SLC26A1: variants seen among roughly 807,000 people sequenced by gnomAD.
SLC26A1 encodes the protein solute carrier family 26 member 1.
In SLC26A1, 18 loss-of-function variants were observed where a neutral mutation model predicts 14.5. That is an observed-to-expected ratio of 1.24 (90% CI 0.86 to 1.84). SLC26A1 has a LOEUF of 1.84. Among genes scored for constraint, SLC26A1 ranks in the 40% most tolerant of loss-of-function variants. The probability of loss-of-function intolerance (pLI) is 0.00; values close to 1 mark genes in which losing one functional copy is unlikely to be tolerated. For synonymous variants in SLC26A1, 505 were observed against 492.0 expected, an observed-to-expected ratio of 1.03 and a Z score of -0.35; for missense variants, 1,049 against 1,020.0, an observed-to-expected ratio of 1.03 and a Z score of -0.39.
downstream of SLC26A1, chr4:987,577 G>GCAGGGC (rs943897582): frequency 4.7e-5 from 65 of 1,373,982 alleles, no homozygotes; most frequent in Middle Eastern, 1.1e-3. Context: ...CGCCTTCCTG[G>GCAGGGC]CAGGGCCAGG....
Position 991,119 on chromosome 4 carries a change from G to T in SLC26A1, c.576+9C>A, listed in dbSNP as rs1266916925. 4 of 1,529,276 alleles carry T rather than the reference G, an allele frequency of 2.6e-6. No homozygotes were observed. In the Admixed American group the frequency reaches 6.0e-5, roughly 23 times the overall value. 94.7% of individuals were successfully genotyped at this position (1,529,276 alleles called of 1,614,324 possible). On this transcript the variant is annotated intron_variant, in intron 2 of 2. Coordinates refer to ENST00000398516, the MANE Select transcript of SLC26A1 (RefSeq NM_022042.4). ...GGGCCCCTCCCTGTGCCCAAGCAGG[G>T]CTCCTCACCTGGTAAAGCCCGGTCA...
Position 989,665 on chromosome 4 carries a change from A to T in SLC26A1, c.1274T>A (p.Leu425Gln), listed in dbSNP as rs748362855. Residue 425 changes from leucine (L) to glutamine (Q), a missense_variant, in exon 3 of 3, where the codon CTG becomes CAG. Coordinates refer to ENST00000398516, the MANE Select transcript of SLC26A1 (RefSeq NM_022042.4). ...SSVVSATVVL[L>Q]VLLALAPLFH... is the part of the protein sequence containing the mutation. Reference sequence around the variant, plus strand: ...CAGCGGTGCCAGCGCCAGCAGCACCAGCAGCACCACGGTGGCGCTGACCAC... The same window carrying T: ...CAGCGGTGCCAGCGCCAGCAGCACCTGCAGCACCACGGTGGCGCTGACCAC... The T allele has an allele frequency of 1.3e-6, 2 of 1,579,672 alleles. No individual in the cohort carries two copies. The highest frequency in any genetic ancestry group is 2.3e-5 in the South Asian group (2 of 86,606).
Position 990,416 on chromosome 4 carries a change from C to G in SLC26A1, c.577-54G>C, listed in dbSNP as rs1443638862. ...GGCGCCTGGCGGGAGCCACCTGCCC[C>G]TCACCAGCACCTGGCATGGCCCGAG... On this transcript the variant is annotated intron_variant, in intron 2 of 2. Transcript: ENST00000398516. The G allele has an allele frequency of 6.7e-6, 10 of 1,493,184 alleles. No individual in the cohort carries two copies. The East Asian group carries it at 1.9e-4, about 28-fold the overall frequency. The allele number at this position is 1,493,184 out of a possible 1,614,324, so 92.5% of individuals were successfully genotyped here. A position where few individuals can be genotyped will look rare whatever the true frequency, so the allele number is the denominator to read the frequency against.
downstream of SLC26A1, among the ~76,000 whole-genome samples, chr4:984,093 G>A (rs1162660153): frequency 6.6e-6 from 1 of 152,210 alleles, no homozygotes; most frequent in African/African-American, 2.4e-5. Context: ...CCAAAGTGCT[G>A]GGATTACAGG....
At chr4:982,056 T>A (rs1411622340) in intron 2 of SLC26A1, among the ~76,000 whole-genome samples, 1 of 151,896 alleles carries the variant, frequency 6.6e-6, no homozygotes, top group African/African-American at 2.4e-5. Flanking sequence ...CCTGACCTCA[T>A]GATCCGCCCG....
chr4:990,262 G>A lies in SLC26A1; in HGVS notation c.677C>T (p.Ser226Leu), dbSNP rs763867064. 3.1e-6 allele frequency: 5 copies of A among 1,593,924 alleles called. No homozygotes were observed. Among genetic ancestry groups the A allele is most frequent in the African/African-American group, 1.3e-5 (1 of 74,834 alleles). Residue 226 changes from serine to leucine, a missense_variant, in exon 3 of 3, where the codon TCG (serine) becomes TTG (leucine). Coordinates refer to ENST00000398516, the MANE Select transcript of SLC26A1 (RefSeq NM_022042.4). ...CACGCCCAGCAGGTGTTTGAGCTGC[G>A]AGGTCAGGATGGTCACGGAGGCCCC... Reference protein sequence around the residue: ...AMGASVTILTSQLKHLLGVRI... With the variant: ...AMGASVTILTLQLKHLLGVRI...
Position 987,746 on chromosome 4 carries a change from G to A in SLC26A1, c.*1087C>T. On this transcript the variant is annotated 3_prime_UTR_variant, in exon 3 of 3. Coordinates refer to ENST00000398516, the MANE Select transcript of SLC26A1 (RefSeq NM_022042.4). ...CGGGCAGTCCTGGGCTTGAACGTGT[G>A]TGTCAGCCGCGCTGCCAGCCATGCT... The A allele has an allele frequency of 6.2e-7, 1 of 1,605,878 alleles. No homozygotes were observed. The highest frequency in any genetic ancestry group is 1.3e-5 in the African/African-American group (1 of 74,948).
intron 2 of SLC26A1, chr4:990,739 G>T: frequency 2.5e-6 from 1 of 396,398 alleles, no homozygotes; most frequent in Non-Finnish European, 4.6e-6. Flanking sequence ...GGAGCCAACG[G>T]GGGCCAAGGT....
At chr4:992,003 G>A in intron 1 of SLC26A1, 6 of 662,342 alleles carry the variant, frequency 9.1e-6, no homozygotes, top group South Asian at 7.7e-5. Context: ...CAGTGCTGAG[G>A]GGCGGCGTGG....
At position 987,804 on chromosome 4, in the gene SLC26A1, C is replaced by G; in HGVS notation, c.*1029G>C. 1 of 1,612,190 alleles carries G rather than the reference C, an allele frequency of 6.2e-7. No homozygotes were observed. Among genetic ancestry groups the G allele is most frequent in the East Asian group, 2.2e-5 (1 of 44,850 alleles). On this transcript the variant is annotated 3_prime_UTR_variant, in exon 3 of 3. Transcript: ENST00000398516. ...GGGACTGAGCCGCCCCTTTGTTGTC[C>G]CCAGCCCCCCGCTGCCACACAGCCA...
At chr4:986,880 C>T, downstream of SLC26A1, 1 of 660,332 alleles carries the variant, frequency 1.5e-6, no homozygotes, top group Non-Finnish European at 2.8e-6. Context: ...CTGAGGCCCG[C>T]AAGGAAGCGG....
intron 1 of SLC26A1, among the ~76,000 whole-genome samples, chr4:992,411 G>C (rs1714437651): frequency 6.6e-6 from 1 of 152,216 alleles, no homozygotes; most frequent in African/African-American, 2.4e-5. Context: ...AGCTTTGTGG[G>C]TACTGGGACC....
At chr4:987,335 G>A, downstream of SLC26A1, 1 of 1,241,204 alleles carries the variant, frequency 8.1e-7, no homozygotes, top group Non-Finnish European at 1.1e-6. Context: ...AGAGACCGGA[G>A]CTCCCTCCTC....
At chr4:986,899 G>T (rs1419993245), downstream of SLC26A1, 1 of 671,398 alleles carries the variant, frequency 1.5e-6, no homozygotes, top group Admixed American at 2.1e-5. Flanking sequence ...GGGGCTCCAA[G>T]CCCTGCCGTG....
chr4:984,615 G>C (rs902710119), downstream of SLC26A1, among the ~76,000 whole-genome samples: 1 of 151,996 alleles, frequency 6.6e-6, no homozygotes, highest in Admixed American at 6.6e-5. Flanking sequence ...TGGATCATTC[G>C]AGGTCAGGAG....
At chr4:985,601 C>T (rs1160935543), downstream of SLC26A1, among the ~76,000 whole-genome samples, 1 of 149,808 alleles carries the variant, frequency 6.7e-6, no homozygotes, top group Non-Finnish European at 1.5e-5. Context: ...GGTCTTACCC[C>T]GCTGTTCCTG....
At chr4:985,455 A>G (rs1713681030), downstream of SLC26A1, among the ~76,000 whole-genome samples, 3 of 152,326 alleles carry the variant, frequency 2.0e-5, no homozygotes, top group African/African-American at 7.2e-5. Flanking sequence ...TTCAGTTTCC[A>G]TTGCTGTGTC....
At chr4:979,080 A>G (rs149790674) in exon 3 of SLC26A1, 217 of 198,004 alleles carry the variant, frequency 1.1e-3, no homozygotes, top group African/African-American at 4.2e-3. Flanking sequence ...CAATTTTGCA[A>G]TATCATCTTC....
chr4:983,081 A>G (rs535642720), downstream of SLC26A1, among the ~76,000 whole-genome samples: 5 of 152,346 alleles, frequency 3.3e-5, no homozygotes, highest in East Asian at 9.6e-4. Flanking sequence ...CACTTTTCCC[A>G]TACAGCACCT....
Sources: allele counts gnomAD v4.1 joint callset (sites outside exome capture counted in the v4.1 genomes callset), GRCh38; gene constraint gnomAD v4.1.1; transcripts MANE v1.5; gene names NCBI Gene and HGNC (gene_info 2026-07-23, HGNC 2026-07-21).